KLHL8: variants seen among roughly 807,000 people sequenced by gnomAD.
KLHL8 encodes the protein kelch-like protein 8.
In KLHL8, 38 loss-of-function variants were observed where a neutral mutation model predicts 63.5. That is an observed-to-expected ratio of 0.60 (90% confidence interval 0.46 to 0.78). KLHL8 has a LOEUF of 0.78. KLHL8 is among the 30% of genes least tolerant of loss of function. The pLI is 0.00. For synonymous variants in KLHL8, 224 were observed against 254.3 expected, an observed-to-expected ratio of 0.88 and a Z score of 1.13; for missense variants, 566 against 752.4, an observed-to-expected ratio of 0.75 and a Z score of 2.90.
chr4:87,229,810 G>C (rs928578170), intron 1 of KLHL8, among the ~76,000 whole-genome samples: 2 of 146,532 alleles, frequency 1.4e-5, no homozygotes, highest in African/African-American at 2.5e-5. Context: ...AGCTCACTGC[G>C]AGCTCCACCT....
intron 8 of KLHL8, among the ~76,000 whole-genome samples, chr4:87,168,091 A>C (rs975108011): frequency 7.9e-5 from 12 of 152,248 alleles, no homozygotes; most frequent in Admixed American, 5.2e-4. Flanking sequence ...TATACCCTTT[A>C]GGTAGAACCA....
At chr4:87,208,482 A>T (rs892883125) in intron 1 of KLHL8, among the ~76,000 whole-genome samples, 5 of 151,476 alleles carry the variant, frequency 3.3e-5, no homozygotes, top group African/African-American at 7.3e-5. Context: ...TCCTACAGGC[A>T]TGCAACCACC....
At chr4:87,222,918 A>C (rs1330601632), upstream of KLHL8, among the ~76,000 whole-genome samples, 1 of 151,902 alleles carries the variant, frequency 6.6e-6, no homozygotes, top group Non-Finnish European at 1.5e-5. Context: ...TGTTAATAGA[A>C]ATTTTGTTTT....
chr4:87,225,439 C>A (rs1732955462), upstream of KLHL8, among the ~76,000 whole-genome samples: 1 of 152,138 alleles, frequency 6.6e-6, no homozygotes, highest in Admixed American at 6.6e-5. Flanking sequence ...GGATGCATAT[C>A]AACTTTGCTC....
intron 2 of KLHL8, among the ~76,000 whole-genome samples, chr4:87,190,668 GT>G (rs1731447030): frequency 6.6e-6 from 1 of 150,498 alleles, no homozygotes; most frequent in Non-Finnish European, 1.5e-5. Flanking sequence ...AAAGCTTACT[GT>G]TTAGTCTATT....
At chr4:87,230,319 A>G (rs771362877) in intron 1 of KLHL8, among the ~76,000 whole-genome samples, 1 of 152,146 alleles carries the variant, frequency 6.6e-6, no homozygotes, top group Non-Finnish European at 1.5e-5. Context: ...CACCCCCAAT[A>G]TAACTGCTGG....
In KLHL8 at chr4:87,162,806, C is replaced by T. The variant is rs1340514789; in HGVS notation, c.*713G>A. On this transcript the variant is annotated 3_prime_UTR_variant, in exon 10 of 10. Transcript: ENST00000273963. ...TCACCTTTTGATTATGTAACAAATA[C>T]TTTTTGCAAAAGATGAAAAAATAAA... The T allele has an allele frequency of 2.0e-5, 3 of 152,154 alleles. No individual in the cohort carries two copies. The highest frequency in any genetic ancestry group is 4.4e-5 in the Non-Finnish European group (3 of 68,018). The allele number at this position is 152,154 out of a possible 1,614,324, so 9.4% of individuals were successfully genotyped here.
intron 1 of KLHL8, among the ~76,000 whole-genome samples, chr4:87,216,230 A>G (rs939469055): frequency 2.6e-5 from 4 of 152,214 alleles, no homozygotes; most frequent in African/African-American, 9.6e-5. Context: ...AGGTAGAAGT[A>G]GCAGCACTAT....
intron 6 of KLHL8, 43 bp downstream of exon 6, chr4:87,176,714 T>C (rs1730829394): frequency 8.7e-7 from 1 of 1,153,732 alleles, no homozygotes; most frequent in East Asian, 2.4e-5. Context: ...TAAGAAACTT[T>C]ATTTCCACCA....
rs1382603329 is a variant in KLHL8, at chr4:87,163,512, ACTC to A, written c.*4_*6del. On this transcript the variant is annotated 3_prime_UTR_variant, in exon 10 of 10. Coordinates refer to ENST00000273963, the MANE Select transcript of KLHL8 (RefSeq NM_020803.5). ...TATGACTAAATTGTTGGTGGCCAGA[ACTC>A]AAATCACATACAGTCAACCACATTA... 1 of 1,613,874 alleles carries A rather than the reference ACTC, an allele frequency of 6.2e-7. No individual in the cohort carries two copies. The highest frequency in any genetic ancestry group is 8.5e-7 in the Non-Finnish European group (1 of 1,179,916).
At chr4:87,166,351 CACAA>C (rs1229329934) in intron 8 of KLHL8, among the ~76,000 whole-genome samples, 1 of 152,148 alleles carries the variant, frequency 6.6e-6, no homozygotes, top group African/African-American at 2.4e-5. Context: ...TGTTAAGTAA[CACAA>C]ACAATTTACA....
Position 87,178,533 on chromosome 4 carries a change from A to T in KLHL8, c.1040T>A (p.Phe347Tyr). 6.2e-7 allele frequency: 1 copy of T among 1,612,506 alleles called. No individual in the cohort carries two copies. Among genetic ancestry groups the T allele is most frequent in the Non-Finnish European group, 8.5e-7 (1 of 1,179,746 alleles). Residue 347 changes from phenylalanine (F) to tyrosine (Y), a missense_variant, in exon 5 of 10, where the codon TTC becomes TAC. Transcript: ENST00000273963. ...TCGACTATTCATTTCTGGTCCAAAG[A>T]ACCAACTGTTTTTGTTGATAGAATA... ...ECYSINKNSW[F>Y]FGPEMNSRRR... is the part of the protein sequence containing the mutation.
At chr4:87,207,521 T>C (rs1324632054) in intron 1 of KLHL8, 19 of 871,408 alleles carry the variant, frequency 2.2e-5, no homozygotes, top group Non-Finnish European at 3.5e-5. Flanking sequence ...AGCCTCAAGA[T>C]CATCAGCAAT....
intron 1 of KLHL8, among the ~76,000 whole-genome samples, chr4:87,202,234 T>C (rs1238638885): frequency 6.6e-6 from 1 of 151,702 alleles, no homozygotes; most frequent in Non-Finnish European, 1.5e-5. Flanking sequence ...AAAATTAAAA[T>C]GAAAATAAAA....
intron 8 of KLHL8, chr4:87,167,317 GT>G (rs1382385761): frequency 6.6e-6 from 3 of 457,330 alleles, no homozygotes; most frequent in Non-Finnish European, 1.3e-5. Flanking sequence ...TCAAAGACCT[GT>G]TCCACCTCTG....
At chr4:87,238,316 T>C (rs1358152816) in intron 1 of KLHL8, among the ~76,000 whole-genome samples, 2 of 152,214 alleles carry the variant, frequency 1.3e-5, no homozygotes, top group African/African-American at 4.8e-5. Flanking sequence ...AAAGAGAAAA[T>C]CATTTTTGAA....
rs367639531 is a variant in KLHL8, at chr4:87,185,641, G to C, written c.375C>G (p.Val125=). Residue 125 remains valine, a synonymous_variant, in exon 3 of 10, where the codon GTC becomes GTG. Coordinates refer to ENST00000273963, the MANE Select transcript of KLHL8 (RefSeq NM_020803.5). ...GDAIEDLVKF[V]YSSRLTLTVD... is the part of the protein sequence containing the mutation. ...CAGTCAAAGTGAGCCGTGAAGAATA[G>C]ACAAACTTTACCAAGTCTTCTATTG... 6.2e-7 allele frequency: 1 copy of C among 1,614,056 alleles called. No homozygotes were observed. The highest frequency in any genetic ancestry group is 1.3e-5 in the African/African-American group (1 of 74,926).
At chr4:87,213,837 C>T (rs6811473) in intron 1 of KLHL8, among the ~76,000 whole-genome samples, 4,721 of 152,204 alleles carry the variant, frequency 0.031, 254 homozygotes, top group African/African-American at 0.11. Context: ...GTCAGCCATA[C>T]GCGACACAAG....
intron 8 of KLHL8, among the ~76,000 whole-genome samples, chr4:87,165,136 C>A (rs867251613): frequency 2.9e-5 from 3 of 102,662 alleles, no homozygotes; most frequent in Middle Eastern, 0.013. Flanking sequence ...GGCGACAGAG[C>A]AAGACTCTGT....
Sources: gnomAD v4.1 joint callset for allele counts (sites outside exome capture counted in the v4.1 genomes callset) on GRCh38, gnomAD v4.1.1 for gene constraint, MANE v1.5 for transcripts, NCBI Gene and HGNC (gene_info 2026-07-23, HGNC 2026-07-21) for gene names.